Variants in MYO6 observed in about 807,000 individuals in gnomAD.
The protein encoded by MYO6 is myosin VI.
In MYO6, 74 loss-of-function variants were observed where a neutral mutation model predicts 178.7. The observed-to-expected ratio is 0.41, with a 90% CI of 0.34 to 0.50. The LOEUF is 0.50. Among genes scored for constraint, MYO6 ranks in the 20% least tolerant of loss-of-function variants. MYO6 has a pLI of 0.09. For synonymous variants in MYO6, 477 were observed against 504.6 expected (o/e 0.95, Z 0.73); for missense variants, 1,330 against 1,547.4 (o/e 0.86, Z 2.36).
At chr6:75,841,516 C>A in intron 9 of MYO6, 138 bp downstream of exon 9, 1 of 754,752 alleles carries the variant, frequency 1.3e-6, no homozygotes, top group Non-Finnish European at 2.1e-6. Flanking sequence ...TAGCGAGACC[C>A]TGTCTCTAAA....
intron 15 of MYO6, 149 bp from the exon 16 acceptor site, chr6:75,862,447 C>G: frequency 1.4e-6 from 1 of 716,256 alleles, no homozygotes; most frequent in Non-Finnish European, 2.4e-6. Context: ...AATCCGTCAG[C>G]TCTCTATAAC....
chr6:75,780,171 T>C (rs151192450), intron 1 of MYO6, among the ~76,000 whole-genome samples: 260 of 152,334 alleles, frequency 1.7e-3, no homozygotes, highest in African/African-American at 6.1e-3. Context: ...CCAGGCGCAG[T>C]GGCTCATGCC....
chr6:75,844,999 A>G (rs1290660307), intron 10 of MYO6, 22 bp downstream of exon 10: 2 of 1,575,040 alleles, frequency 1.3e-6, no homozygotes, highest in South Asian at 2.2e-5. Context: ...CATTGTTCAT[A>G]AAATCTTTAA....
intron 32 of MYO6, 152 bp from the exon 33 acceptor site, chr6:75,911,520 C>T: frequency 1.5e-6 from 1 of 687,402 alleles, no homozygotes; most frequent in East Asian, 2.7e-5. Context: ...GCAGCACCTG[C>T]TTTTAGGTAA....
At chr6:75,828,467 A>T in intron 3 of MYO6, 73 bp from the exon 4 acceptor site, 2 of 909,004 alleles carry the variant, frequency 2.2e-6, no homozygotes, top group Non-Finnish European at 3.6e-6. Flanking sequence ...AAAGTGATTC[A>T]GATTAAGATA....
chr6:75,891,086 A>G (rs1208081054), intron 26 of MYO6, 142 bp from the exon 27 acceptor site: 2 of 522,316 alleles, frequency 3.8e-6, no homozygotes, highest in Non-Finnish European at 7.0e-6. Context: ...TTTATTCAAA[A>G]TAAGTTGATG....
At chr6:75,865,355 CTTTTTT>C (rs386407605) in intron 16 of MYO6, 8 of 64,858 alleles carry the variant, frequency 1.2e-4, no homozygotes, top group African/African-American at 3.3e-4. Context: ...TAAATGATGT[CTTTTTT>C]TTTTTTTTTT....
chr6:75,865,641 AG>A (rs1452090222), intron 16 of MYO6, among the ~76,000 whole-genome samples: 1 of 152,086 alleles, frequency 6.6e-6, no homozygotes, highest in Admixed American at 6.6e-5. Context: ...CTAGGATTAT[AG>A]GTGTGTGCCA....
chr6:75,807,955 G>T (rs568757607), intron 1 of MYO6, among the ~76,000 whole-genome samples: 1 of 151,610 alleles, frequency 6.6e-6, no homozygotes, highest in African/African-American at 2.4e-5. Context: ...AGATGGAGTT[G>T]CTCTGGTTCA....
chr6:75,874,314 A>G (rs566262285), intron 20 of MYO6, among the ~76,000 whole-genome samples: 111 of 152,340 alleles, frequency 7.3e-4, no homozygotes, highest in African/African-American at 2.6e-3. Flanking sequence ...GGGTTGGTAG[A>G]CAAGACAGGA....
chr6:75,894,717 C>A (rs1779157323), intron 28 of MYO6: 1 of 726,414 alleles, frequency 1.4e-6, no homozygotes, highest in Non-Finnish European at 2.1e-6. Flanking sequence ...TGTTCTTAAT[C>A]TATAGCATGA....
intron 14 of MYO6, among the ~76,000 whole-genome samples, chr6:75,859,627 C>A (rs1012770469): frequency 1.3e-5 from 2 of 150,358 alleles, no homozygotes; most frequent in African/African-American, 4.9e-5. Flanking sequence ...CCACACCAAA[C>A]AACCTTCTAC....
intron 19 of MYO6, among the ~76,000 whole-genome samples, 174 bp from the exon 20 acceptor site, chr6:75,873,033 C>T (rs1003140615): frequency 2.0e-5 from 3 of 152,146 alleles, no homozygotes; most frequent in Non-Finnish European, 4.4e-5. Context: ...TTCAGCCTCC[C>T]AAAATGCTGG....
At chr6:75,891,506 C>T (rs1778904126) in intron 27 of MYO6, among the ~76,000 whole-genome samples, 200 bp downstream of exon 27, 1 of 152,032 alleles carries the variant, frequency 6.6e-6, no homozygotes, top group African/African-American at 2.4e-5. Flanking sequence ...GTGGTGGGCA[C>T]CTGTAGCCCC....
rs142226671 is a variant in MYO6, at chr6:75,911,418, A to G, written c.3413-254A>G. ...GTGTTCCAAAAATCACAAATGAAGT[A>G]TGATTTTTTAATTTTGGTCCTCTTT... On this transcript the variant is annotated intron_variant, in intron 32 of 34. Coordinates refer to ENST00000369977, the MANE Select transcript of MYO6 (RefSeq NM_004999.4). Among the ~76,000 whole-genome samples the G allele has an allele frequency of 5.2e-4, 79 of 152,056 alleles. No individual in the cohort carries two copies. In the East Asian group the frequency reaches 0.014, roughly 27 times the overall value.
At chr6:75,844,246 AC>A (rs1774517744) in intron 9 of MYO6, among the ~76,000 whole-genome samples, 1 of 152,112 alleles carries the variant, frequency 6.6e-6, no homozygotes, top group South Asian at 2.1e-4. Context: ...CTTTTTTTGA[AC>A]TACTCCTCTT....
chr6:75,860,540 G>A (rs1192655260), intron 14 of MYO6, among the ~76,000 whole-genome samples: 1 of 152,158 alleles, frequency 6.6e-6, no homozygotes, highest in Non-Finnish European at 1.5e-5. Flanking sequence ...AAATTGAGTT[G>A]TGTTTAAGTG....
chr6:75,777,071 T>C (rs537110610), intron 1 of MYO6, among the ~76,000 whole-genome samples: 1 of 152,336 alleles, frequency 6.6e-6, no homozygotes, highest in South Asian at 2.1e-4. Context: ...ATCCTTGGTG[T>C]GTACTAAGAA....
At chr6:75,867,209 A>C in intron 18 of MYO6, 104 bp downstream of exon 18, 1 of 950,834 alleles carries the variant, frequency 1.1e-6, no homozygotes, top group Non-Finnish European at 1.6e-6. Flanking sequence ...CTCACAGTGA[A>C]GTTCAAGAGC....
Sources: gnomAD v4.1 joint callset for allele counts (sites outside exome capture counted in the v4.1 genomes callset) on GRCh38, gnomAD v4.1.1 for gene constraint, MANE v1.5 for transcripts, NCBI Gene and HGNC (gene_info 2026-07-23, HGNC 2026-07-21) for gene names.